Variants in PI4KA observed in about 807,000 individuals in gnomAD.
PI4KA encodes phosphatidylinositol 4-kinase alpha, also known as PI4-kinase alpha.
Under a neutral mutation model 271.4 loss-of-function variants are expected in PI4KA, and 122 were observed. The ratio of observed to expected loss-of-function variants is 0.45; its 90% CI spans 0.39 to 0.52. The LOEUF is 0.52. Ranked by LOEUF, PI4KA falls within the 20% of genes least tolerant of loss-of-function variation. The probability of loss-of-function intolerance (pLI) is 0.00; values close to 1 mark genes in which losing one functional copy is unlikely to be tolerated. For synonymous variants in PI4KA, 1,041 were observed against 1,078.8 expected (o/e 0.96, Z 0.69); for missense variants, 1,969 against 2,769.1 (o/e 0.71, Z 6.48).
At chr22:20,789,793 A>G (rs1394342548) in intron 19 of PI4KA, among the ~76,000 whole-genome samples, 2 of 151,348 alleles carry the variant, frequency 1.3e-5, no homozygotes, top group Non-Finnish European at 2.9e-5. Flanking sequence ...TCTTGAGAGT[A>G]ATAAGGATTT....
At chr22:20,746,575 T>C (rs1930139080) in intron 29 of PI4KA, among the ~76,000 whole-genome samples, 1 of 152,200 alleles carries the variant, frequency 6.6e-6, no homozygotes, top group South Asian at 2.1e-4. Context: ...AAAAGGCTTA[T>C]GACTATCATA....
At chr22:20,752,193 C>G (rs1366524730) in intron 25 of PI4KA, among the ~76,000 whole-genome samples, 1 of 152,218 alleles carries the variant, frequency 6.6e-6, no homozygotes, top group African/African-American at 2.4e-5. Flanking sequence ...CTCTGCACAG[C>G]TGTGACCCAC....
intron 28 of PI4KA, among the ~76,000 whole-genome samples, chr22:20,749,439 G>A (rs915095518): frequency 6.6e-6 from 1 of 152,246 alleles, no homozygotes; most frequent in East Asian, 1.9e-4. Flanking sequence ...GTTTTTGTCT[G>A]AAAGACTCCC....
chr22:20,743,295 C>A (rs1213796138), intron 30 of PI4KA, among the ~76,000 whole-genome samples: 2 of 151,962 alleles, frequency 1.3e-5, no homozygotes, highest in Non-Finnish European at 2.9e-5. Context: ...CAGGCATGCG[C>A]CACCACGCCT....
intron 19 of PI4KA, among the ~76,000 whole-genome samples, chr22:20,792,702 T>C (rs1934724059): frequency 6.6e-6 from 1 of 152,122 alleles, no homozygotes; most frequent in Admixed American, 6.5e-5. Context: ...TCCAACACGA[T>C]GGTGCCACAC....
At chr22:20,839,779 G>A (rs180982576) in intron 1 of PI4KA, among the ~76,000 whole-genome samples, 3 of 152,170 alleles carry the variant, frequency 2.0e-5, no homozygotes, top group East Asian at 3.9e-4. Context: ...GCAGAGAGCC[G>A]AGATGGCACC....
At chr22:20,794,209 G>A (rs538598423) in intron 18 of PI4KA, among the ~76,000 whole-genome samples, 17 of 152,356 alleles carry the variant, frequency 1.1e-4, no homozygotes, top group East Asian at 7.7e-4. Flanking sequence ...TAAGGGATGC[G>A]TGATGATGGA....
chr22:20,754,107 G>C (rs1012420718), intron 23 of PI4KA, among the ~76,000 whole-genome samples: 5 of 151,820 alleles, frequency 3.3e-5, no homozygotes, highest in African/African-American at 9.7e-5. Context: ...TTTTTTTTGA[G>C]ACAGGGTCTC....
chr22:20,798,553 T>G, intron 17 of PI4KA, 31 bp downstream of exon 17: 1 of 1,242,944 alleles, frequency 8.0e-7, no homozygotes, highest in Non-Finnish European at 1.2e-6. Context: ...AATACTGTCA[T>G]GATAAAAAAG....
chr22:20,798,398 G>A, intron 17 of PI4KA, 186 bp downstream of exon 17: 1 of 580,538 alleles, frequency 1.7e-6, no homozygotes, highest in Non-Finnish European at 3.1e-6. Context: ...GCGCTGAGAT[G>A]CTCAGTGGTC....
At chr22:20,783,923 T>C in intron 19 of PI4KA, 1 of 1,613,490 alleles carries the variant, frequency 6.2e-7, no homozygotes, top group South Asian at 1.1e-5. Context: ...GTGAGACGAT[T>C]TCCCTAAAGG....
rs758493504 is a variant in PI4KA, at chr22:20,713,287, G to A, written c.5565C>T (p.Cys1855=). The part of the protein sequence containing the change: ...QAAIFKVGDD[C]RQDMLALQII... Reference sequence around the variant, plus strand: ...GAGGCCTGACCCTGCTTACCTGCCGGCAGTCGTCTCCCACCTTGAAGATGG... The same window carrying A: ...GAGGCCTGACCCTGCTTACCTGCCGACAGTCGTCTCCCACCTTGAAGATGG... Residue 1855 remains cysteine (C), a synonymous_variant, in exon 48 of 55, where the codon TGC becomes TGT. Transcript: ENST00000255882. The A allele has an allele frequency of 3.2e-5, 51 of 1,578,094 alleles. No individual in the cohort carries two copies. The highest frequency in any genetic ancestry group is 7.0e-5 in the Admixed American group (4 of 56,880).
intron 23 of PI4KA, among the ~76,000 whole-genome samples, chr22:20,755,089 T>C (rs1471468459): frequency 2.0e-5 from 3 of 152,194 alleles, no homozygotes; most frequent in Non-Finnish European, 4.4e-5. Flanking sequence ...GTGCCCAGCC[T>C]CTTCTATTTT....
intron 23 of PI4KA, among the ~76,000 whole-genome samples, chr22:20,758,958 G>A (rs1931639725): frequency 6.6e-6 from 1 of 152,178 alleles, no homozygotes. Context: ...CTGACTTCCT[G>A]ACTGTTGTAC....
At chr22:20,812,406 T>G (rs1921163771) in intron 8 of PI4KA, among the ~76,000 whole-genome samples, 1 of 152,196 alleles carries the variant, frequency 6.6e-6, no homozygotes, top group South Asian at 2.1e-4. Context: ...CCTCAGCACA[T>G]GCTCCATGCT....
chr22:20,756,195 T>C (rs992551757), intron 23 of PI4KA, among the ~76,000 whole-genome samples: 3 of 151,994 alleles, frequency 2.0e-5, no homozygotes, highest in African/African-American at 7.2e-5. Context: ...GCCATGTGTT[T>C]AGTATAATAG....
chr22:20,738,847 G>A (rs940871674), intron 32 of PI4KA, among the ~76,000 whole-genome samples: 2 of 152,006 alleles, frequency 1.3e-5, no homozygotes, highest in Non-Finnish European at 1.5e-5. Context: ...TAAAAAGCAG[G>A]AAGAACCCAT....
chr22:20,787,036 G>A lies in PI4KA; in HGVS notation c.2328+6157C>T, dbSNP rs760464099. On this transcript the variant is annotated intron_variant, in intron 19 of 54. Transcript: ENST00000255882. ...ATCGCACCAGCTGCCTGCTCTTCAT[G>A]GGAAGAGTGGCCAACCCCAGCAGGT... 4 of 1,613,904 alleles carry A rather than the reference G, an allele frequency of 2.5e-6. No individual in the cohort carries two copies. The East Asian group carries it at 8.9e-5, about 36-fold the overall frequency.
intron 19 of PI4KA, chr22:20,780,227 C>A: frequency 6.2e-7 from 1 of 1,614,168 alleles, no homozygotes; most frequent in Non-Finnish European, 8.5e-7. Flanking sequence ...ACAGTTCTCA[C>A]AGCAAACCCA....
Sources: allele counts gnomAD v4.1 joint callset (sites outside exome capture counted in the v4.1 genomes callset), GRCh38; gene constraint gnomAD v4.1.1; transcripts MANE v1.5; gene names NCBI Gene and HGNC (gene_info 2026-07-23, HGNC 2026-07-21).